The following SMURF1 variants were observed in gnomAD, a reference collection of about 807,000 sequenced individuals.
The protein encoded by SMURF1 is SMAD specific E3 ubiquitin protein ligase 1.
Under a neutral mutation model 98.0 loss-of-function variants are expected in SMURF1, and 44 were observed. That is an observed-to-expected ratio of 0.45 (90% CI 0.35 to 0.58). The LOEUF (loss-of-function observed/expected upper bound fraction) is 0.58, where lower values mean the gene tolerates loss of function less well. Among genes scored for constraint, SMURF1 ranks in the 20% least tolerant of loss-of-function variants. SMURF1 has a pLI of 0.00. For synonymous variants in SMURF1, 396 were observed against 374.9 expected (o/e 1.06, Z -0.65); for missense variants, 687 against 938.4 (o/e 0.73, Z 3.50).
At chr7:99,116,513 A>C (rs1797458071) in intron 1 of SMURF1, among the ~76,000 whole-genome samples, 1 of 152,236 alleles carries the variant, frequency 6.6e-6, no homozygotes, top group Non-Finnish European at 1.5e-5. Flanking sequence ...TAAGCTCTGC[A>C]GAACTGCAAA....
chr7:99,053,649 G>A (rs554015158), intron 6 of SMURF1, among the ~76,000 whole-genome samples: 1 of 152,296 alleles, frequency 6.6e-6, no homozygotes, highest in South Asian at 2.1e-4. Context: ...CATTCTGGAT[G>A]TTTGTTGATT....
At chr7:99,034,012 G>A (rs1384361738) in intron 16 of SMURF1, among the ~76,000 whole-genome samples, 1 of 152,230 alleles carries the variant, frequency 6.6e-6, no homozygotes, top group East Asian at 1.9e-4. Flanking sequence ...CAGGACTCCG[G>A]GAGCAATGAG....
intron 1 of SMURF1, among the ~76,000 whole-genome samples, chr7:99,092,274 T>C (rs1011705183): frequency 6.6e-6 from 1 of 152,226 alleles, no homozygotes; most frequent in African/African-American, 2.4e-5. Flanking sequence ...GTGTGTGTCA[T>C]ATTTATACCC....
intron 8 of SMURF1, 144 bp from the exon 9 acceptor site, chr7:99,049,853 ACGCCAAAC>A: frequency 1.4e-6 from 1 of 714,700 alleles, no homozygotes; most frequent in Non-Finnish European, 2.3e-6. Flanking sequence ...GGTGCTACTT[ACGCCAAAC>A]CTCTACTCAG....
intron 1 of SMURF1, among the ~76,000 whole-genome samples, chr7:99,109,449 C>T (rs73399277): frequency 0.032 from 4,844 of 152,258 alleles, 263 homozygotes; most frequent in African/African-American, 0.11. Flanking sequence ...CACTGAGCTG[C>T]ACCCACACCC....
chr7:99,036,651 G>T (rs1170433075), intron 15 of SMURF1, among the ~76,000 whole-genome samples: 1 of 152,144 alleles, frequency 6.6e-6, no homozygotes, highest in Non-Finnish European at 1.5e-5. Flanking sequence ...CCGTGTTCAA[G>T]TGCATGCAGT....
At chr7:99,054,896 A>T in intron 5 of SMURF1, 31 bp from the exon 6 acceptor site, 1 of 1,596,746 alleles carries the variant, frequency 6.3e-7, no homozygotes, top group Non-Finnish European at 8.6e-7. Flanking sequence ...TTGTGTTAAA[A>T]CCCAGCGGGG....
chr7:99,135,821 G>T (rs1014675993), intron 1 of SMURF1, among the ~76,000 whole-genome samples: 4 of 152,170 alleles, frequency 2.6e-5, no homozygotes, highest in Non-Finnish European at 4.4e-5. Context: ...GTGCCAAACT[G>T]CTCTTGGTAC....
intron 1 of SMURF1, among the ~76,000 whole-genome samples, chr7:99,137,608 C>T (rs1798022034): frequency 1.3e-5 from 2 of 152,236 alleles, no homozygotes; most frequent in Non-Finnish European, 1.5e-5. Flanking sequence ...ATCTGAAATG[C>T]ATCACCCAGC....
chr7:99,086,217 A>G (rs978996472), intron 1 of SMURF1, among the ~76,000 whole-genome samples: 2 of 151,988 alleles, frequency 1.3e-5, no homozygotes, highest in Non-Finnish European at 2.9e-5. Context: ...ATGGTGACAC[A>G]CACCTGTAAT....
At chr7:99,041,381 G>A (rs1382726223) in intron 12 of SMURF1, among the ~76,000 whole-genome samples, 1 of 152,078 alleles carries the variant, frequency 6.6e-6, no homozygotes, top group East Asian at 1.9e-4. Context: ...CAGCCTGGGG[G>A]ACACAGCGAG....
chr7:99,128,835 T>C (rs893311141), intron 1 of SMURF1, among the ~76,000 whole-genome samples: 1 of 152,214 alleles, frequency 6.6e-6, no homozygotes, highest in Admixed American at 6.5e-5. Flanking sequence ...TCCAAAAACA[T>C]GTCTCATATT....
intron 1 of SMURF1, among the ~76,000 whole-genome samples, chr7:99,063,234 G>T (rs999993832): frequency 2.9e-4 from 6 of 20,466 alleles, no homozygotes; most frequent in East Asian, 2.0e-3. Context: ...ATATATATAA[G>T]ATTTATTTAT....
intron 1 of SMURF1, among the ~76,000 whole-genome samples, chr7:99,129,691 C>A (rs146839201): frequency 2.0e-5 from 3 of 152,328 alleles, no homozygotes; most frequent in African/African-American, 7.2e-5. Flanking sequence ...TGTACCCAGC[C>A]TTCCCCCATT....
chr7:99,040,311 G>A (rs533874410), intron 13 of SMURF1, 67 bp downstream of exon 13: 184 of 1,373,766 alleles, frequency 1.3e-4, no homozygotes, highest in Middle Eastern at 8.5e-4. Context: ...GCGCGCGCAC[G>A]CGCATACATA....
intron 11 of SMURF1, among the ~76,000 whole-genome samples, chr7:99,042,698 T>C (rs541219067): frequency 1.3e-5 from 2 of 152,366 alleles, no homozygotes; most frequent in South Asian, 4.1e-4. Flanking sequence ...GTTCAGTGGC[T>C]ACACTCAGGT....
At chr7:99,119,124 A>G (rs1797534441) in intron 1 of SMURF1, among the ~76,000 whole-genome samples, 1 of 148,642 alleles carries the variant, frequency 6.7e-6, no homozygotes, top group Admixed American at 6.8e-5. Context: ...AAAGCAAAGT[A>G]AAGAACAGTG....
At chr7:99,045,611 GT>G (rs1216886812) in intron 11 of SMURF1, 86 bp downstream of exon 11, 2 of 1,093,828 alleles carry the variant, frequency 1.8e-6, no homozygotes, top group Non-Finnish European at 2.8e-6. Context: ...GGAGTGCTTG[GT>G]GATGAGCACT....
In SMURF1 at chr7:99,040,592, A is replaced by G. The variant is rs377570397; in HGVS notation, c.1372-36T>C. 1.7e-5 allele frequency: 24 copies of G among 1,389,414 alleles called. No individual in the cohort carries two copies. The African/African-American group carries it at 3.6e-4, about 21-fold the overall frequency. The allele number at this position is 1,389,414 out of a possible 1,614,324, so 86.1% of individuals were successfully genotyped here. ...CACCAGAGAACACGAATTTGTCAGC[A>G]TGGTGCCGGCCAATGTGGGAATCTC... On this transcript the variant is annotated intron_variant, in intron 12 of 17. Transcript: ENST00000361368.
Sources: allele counts gnomAD v4.1 joint callset (sites outside exome capture counted in the v4.1 genomes callset), GRCh38; gene constraint gnomAD v4.1.1; transcripts MANE v1.5; gene names NCBI Gene and HGNC (gene_info 2026-07-23, HGNC 2026-07-21).